The following PCDH15 variants were observed in gnomAD, a reference collection of about 807,000 sequenced individuals.
PCDH15 encodes the protein protocadherin related 15, also known as protocadherin-15.
Under a neutral mutation model 178.5 loss-of-function variants are expected in PCDH15, and 129 were observed. That is an observed-to-expected ratio of 0.72 (90% CI 0.63 to 0.84). The LOEUF is 0.84. Among genes scored for constraint, PCDH15 ranks in the 40% least tolerant of loss-of-function variants. PCDH15 has a pLI of 0.00. For synonymous variants in PCDH15, 800 were observed against 732.0 expected (o/e 1.09, Z -1.50); for missense variants, 2,230 against 2,099.9 (o/e 1.06, Z -1.21).
chr10:54,765,924 T>A (rs1264705171), intron 1 of PCDH15, among the ~76,000 whole-genome samples: 2 of 152,162 alleles, frequency 1.3e-5, no homozygotes, highest in African/African-American at 2.4e-5. Context: ...CACATGGCAA[T>A]AACATTCTGA....
chr10:55,582,616 A>T (rs866179476), intron 2 of PCDH15, among the ~76,000 whole-genome samples: 5,190 of 88,256 alleles, frequency 0.059, 369 homozygotes, highest in African/African-American at 0.11. Flanking sequence ...ATATATATAT[A>T]TATATATATA....
intron 25 of PCDH15, among the ~76,000 whole-genome samples, chr10:53,912,319 A>G (rs2083164485): frequency 6.6e-6 from 1 of 152,234 alleles, no homozygotes; most frequent in Non-Finnish European, 1.5e-5. Flanking sequence ...TATTTCTGAC[A>G]AATCCACAGC....
intron 2 of PCDH15, among the ~76,000 whole-genome samples, chr10:55,554,523 T>A (rs1410928560): frequency 1.3e-5 from 2 of 152,032 alleles, no homozygotes; most frequent in Non-Finnish European, 2.9e-5. Context: ...ACAACTTGAG[T>A]TAGGACTGTG....
At chr10:55,216,417 C>T (rs1020430504) in intron 1 of PCDH15, among the ~76,000 whole-genome samples, 8 of 151,598 alleles carry the variant, frequency 5.3e-5, no homozygotes, top group Admixed American at 4.6e-4. Flanking sequence ...ACGGTATACA[C>T]CAATTTATAG....
intron 2 of PCDH15, among the ~76,000 whole-genome samples, chr10:55,535,206 T>C (rs950305046): frequency 2.0e-5 from 3 of 152,036 alleles, no homozygotes; most frequent in African/African-American, 7.2e-5. Context: ...AATAAAAACA[T>C]AATTGTAATG....
At chr10:54,809,098 A>G (rs1952824119) in intron 3 of PCDH15, among the ~76,000 whole-genome samples, 1 of 152,092 alleles carries the variant, frequency 6.6e-6, no homozygotes, top group Non-Finnish European at 1.5e-5. Context: ...CTCTTTGCAA[A>G]TTTTTAAGGT....
At chr10:53,988,633 A>C (rs923675944) in intron 21 of PCDH15, among the ~76,000 whole-genome samples, 3 of 152,164 alleles carry the variant, frequency 2.0e-5, no homozygotes, top group African/African-American at 7.2e-5. Flanking sequence ...ATGAGAAGCC[A>C]AGATACCCTT....
chr10:54,711,664 A>G (rs999600786), intron 1 of PCDH15, among the ~76,000 whole-genome samples: 11 of 151,930 alleles, frequency 7.2e-5, no homozygotes, highest in Non-Finnish European at 1.5e-4. Flanking sequence ...CTGACTATAA[A>G]TGTCCAAAAA....
intron 13 of PCDH15, among the ~76,000 whole-genome samples, chr10:54,176,270 G>A (rs1469998582): frequency 6.6e-6 from 1 of 152,098 alleles, no homozygotes; most frequent in Non-Finnish European, 1.5e-5. Context: ...AGATCAGTAG[G>A]GGAGACAGAC....
intron 8 of PCDH15, among the ~76,000 whole-genome samples, chr10:54,284,930 A>C (rs1055967138): frequency 2.4e-4 from 37 of 152,216 alleles, no homozygotes; most frequent in African/African-American, 8.9e-4. Context: ...AAAAGCCCAA[A>C]GACTAAATAA....
intron 21 of PCDH15, among the ~76,000 whole-genome samples, chr10:53,974,666 T>C (rs2090042347): frequency 6.6e-6 from 1 of 152,220 alleles, no homozygotes; most frequent in Non-Finnish European, 1.5e-5. Flanking sequence ...TCCACACTAC[T>C]GGCTGCCTTA....
At chr10:54,454,685 G>T (rs941531524) in intron 3 of PCDH15, among the ~76,000 whole-genome samples, 3 of 151,964 alleles carry the variant, frequency 2.0e-5, no homozygotes, top group Non-Finnish European at 4.4e-5. Flanking sequence ...AAACCATTTT[G>T]CTTTCTAAAA....
chr10:55,252,088 C>G (rs1421557546), intron 1 of PCDH15, among the ~76,000 whole-genome samples: 1 of 152,102 alleles, frequency 6.6e-6, no homozygotes, highest in Non-Finnish European at 1.5e-5. Context: ...TCATTGTCGA[C>G]CAAGCTTTAA....
intron 3 of PCDH15, among the ~76,000 whole-genome samples, chr10:54,449,749 G>A (rs769505208): frequency 3.3e-5 from 5 of 151,720 alleles, no homozygotes; most frequent in Non-Finnish European, 7.4e-5. Context: ...TAAAATATAT[G>A]AGAGAATATA....
At chr10:53,852,925 A>G (rs962407283) in intron 28 of PCDH15, among the ~76,000 whole-genome samples, 2 of 152,040 alleles carry the variant, frequency 1.3e-5, no homozygotes, top group Non-Finnish European at 2.9e-5. Context: ...CTTCTATTTA[A>G]TTAACTATTT....
At chr10:54,074,307 C>G (rs2094300429) in intron 17 of PCDH15, among the ~76,000 whole-genome samples, 2 of 152,156 alleles carry the variant, frequency 1.3e-5, no homozygotes, top group African/African-American at 4.8e-5. Context: ...TTTAATCTAG[C>G]AAAACAAAAG....
intron 2 of PCDH15, among the ~76,000 whole-genome samples, chr10:54,597,665 A>T (rs1286152951): frequency 6.6e-6 from 1 of 152,150 alleles, no homozygotes; most frequent in Non-Finnish European, 1.5e-5. Flanking sequence ...GAGACATAAT[A>T]CAACCATTCA....
chr10:54,697,677 A>AAGGGAGGAAGGGAGGAAGGG (rs2095252168), intron 1 of PCDH15, among the ~76,000 whole-genome samples: 2 of 120,472 alleles, frequency 1.7e-5, no homozygotes, highest in Non-Finnish European at 3.4e-5. Context: ...GGGGAAGGGG[A>AAGGGAGGAAGGGAGGAAGGG]AGGGAGGAAG....
At chr10:54,663,616 TA>T (rs2094524374) in intron 2 of PCDH15, among the ~76,000 whole-genome samples, 1 of 150,930 alleles carries the variant, frequency 6.6e-6, no homozygotes, top group African/African-American at 2.4e-5. Context: ...GACTTACTGT[TA>T]GGGGAAAGCT....
Sources: gnomAD v4.1 joint callset for allele counts (sites outside exome capture counted in the v4.1 genomes callset) on GRCh38, gnomAD v4.1.1 for gene constraint, MANE v1.5 for transcripts, NCBI Gene and HGNC (gene_info 2026-07-23, HGNC 2026-07-21) for gene names.